The following GUCY1A2 variants were observed in gnomAD, a reference collection of about 807,000 sequenced individuals.
The protein encoded by GUCY1A2 is guanylate cyclase 1 soluble subunit alpha 2, also known as guanylate cyclase soluble subunit alpha-2.
GUCY1A2 carries 27 observed loss-of-function variants against 63.5 expected under a neutral mutation model. The observed-to-expected ratio is 0.43, with a 90% CI of 0.31 to 0.59. The LOEUF is 0.59. Among genes scored for constraint, GUCY1A2 ranks in the 20% least tolerant of loss-of-function variants. The pLI, the probability that GUCY1A2 is intolerant of heterozygous loss-of-function variation, is 0.11. For missense variants in GUCY1A2, 768 were observed against 913.3 expected, an observed-to-expected ratio of 0.84 and a Z score of 2.05; for synonymous variants, 364 against 343.5, an observed-to-expected ratio of 1.06 and a Z score of -0.66.
chr11:106,816,167 T>TAAAAAAAA (rs60263721), intron 4 of GUCY1A2, among the ~76,000 whole-genome samples: 1 of 92,016 alleles, frequency 1.1e-5, no homozygotes, highest in Non-Finnish European at 2.1e-5. Flanking sequence ...ACTCTTTCTT[T>TAAAAAAAA]AAAAAAAAAA....
chr11:106,771,258 T>C (rs1864250104), intron 6 of GUCY1A2, among the ~76,000 whole-genome samples: 1 of 152,190 alleles, frequency 6.6e-6, no homozygotes, highest in African/African-American at 2.4e-5. Flanking sequence ...TATTTGGTTA[T>C]TTTAATCAAA....
At chr11:106,856,453 G>A (rs188281715) in intron 4 of GUCY1A2, among the ~76,000 whole-genome samples, 8 of 151,606 alleles carry the variant, frequency 5.3e-5, no homozygotes, top group Middle Eastern at 3.4e-3. Flanking sequence ...GAAGCTATAC[G>A]AGTTTTGGCA....
chr11:106,854,631 G>T (rs1859402411), intron 4 of GUCY1A2, among the ~76,000 whole-genome samples: 2 of 152,188 alleles, frequency 1.3e-5, no homozygotes, highest in Admixed American at 1.3e-4. Context: ...GATCAGGGCA[G>T]GCCTGCCCTC....
chr11:106,723,897 TGAATTAGATATTTG>T (rs1485975996), intron 6 of GUCY1A2, among the ~76,000 whole-genome samples: 1 of 135,034 alleles, frequency 7.4e-6, no homozygotes, highest in African/African-American at 3.1e-5. Flanking sequence ...ATATGCTTTT[TGAATTAGATATTTG>T]AAATGTATTG....
Position 106,684,522 on chromosome 11 carries a change from G to C in GUCY1A2, c.*3027C>G. ...TAGTACATTCTGAGTACATATTGGG[G>C]GATTCTGATTTTGTTAGATAACTGA... On this transcript the variant is annotated 3_prime_UTR_variant, in exon 8 of 8. Coordinates refer to ENST00000526355, the MANE Select transcript of GUCY1A2 (RefSeq NM_000855.3). 5.1e-6 allele frequency: 1 copy of C among 194,344 alleles called. No individual in the cohort carries two copies. The highest frequency in any genetic ancestry group is 8.1e-5 in the East Asian group (1 of 12,378). The allele number at this position is 194,344 out of a possible 1,614,324, so 12.0% of individuals were successfully genotyped here.
rs1013005038 is a variant in GUCY1A2 at position 106,676,932 on chromosome 11, C to G, written c.*10617G>C. 4.8e-6 allele frequency: 1 copy of G among 208,400 alleles called. No individual in the cohort carries two copies. The highest frequency in any genetic ancestry group is 5.9e-5 in the Admixed American group (1 of 16,896). The allele number at this position is 208,400 out of a possible 1,614,324, so 12.9% of individuals were successfully genotyped here. A position where few individuals can be genotyped will look rare whatever the true frequency, so the allele number is the denominator to read the frequency against. ...TTTAAATTCAATGAAAATGAACACA[C>G]ATAGATTTTTATAGACCCACATTTC... is the stretch of plus-strand genomic sequence containing the variant. On this transcript the variant is annotated 3_prime_UTR_variant, in exon 8 of 8. Transcript: ENST00000526355.
intron 6 of GUCY1A2, among the ~76,000 whole-genome samples, chr11:106,743,057 T>C (rs1863723862): frequency 6.6e-6 from 1 of 152,192 alleles, no homozygotes; most frequent in Admixed American, 6.5e-5. Context: ...CTAAGAGTAG[T>C]CTTTTATTCC....
chr11:106,708,093 A>G (rs1020879661), intron 7 of GUCY1A2, among the ~76,000 whole-genome samples: 1 of 151,830 alleles, frequency 6.6e-6, no homozygotes, highest in African/African-American at 2.4e-5. Flanking sequence ...ATATATATAT[A>G]AATTTAAAGA....
rs34601463 is a variant in GUCY1A2 at position 106,675,269 on chromosome 11, CTT to C, written c.*12278_*12279del. On this transcript the variant is annotated 3_prime_UTR_variant, in exon 8 of 8. Transcript: ENST00000526355. ...TTCGAAGGCAAAATTCTCAGGAGGACTTTTTTTTTTTTTTTTTAAATAAAGAA... is the reference window on the plus strand; with the variant it reads ...TTCGAAGGCAAAATTCTCAGGAGGACTTTTTTTTTTTTTTTAAATAAAGAA... The C allele has an allele frequency of 0.011, 1,877 of 164,076 alleles. No homozygotes were observed. Among genetic ancestry groups the C allele is most frequent in the East Asian group, 0.032 (329 of 10,346 alleles). 10.2% of individuals were successfully genotyped at this position (164,076 alleles called of 1,614,324 possible).
intron 4 of GUCY1A2, among the ~76,000 whole-genome samples, chr11:106,834,884 C>G (rs900107051): frequency 1.3e-5 from 2 of 151,928 alleles, no homozygotes; most frequent in African/African-American, 4.8e-5. Context: ...ACCTGAAACC[C>G]TGGAAGGGGC....
At chr11:106,948,350 G>A (rs887821044) in intron 3 of GUCY1A2, among the ~76,000 whole-genome samples, 4 of 152,060 alleles carry the variant, frequency 2.6e-5, no homozygotes, top group Admixed American at 2.6e-4. Context: ...TGACCAAGTA[G>A]GATTTATATC....
At chr11:106,902,740 A>G (rs1860151306) in intron 4 of GUCY1A2, among the ~76,000 whole-genome samples, 1 of 152,244 alleles carries the variant, frequency 6.6e-6, no homozygotes, top group Admixed American at 6.5e-5. Flanking sequence ...TGTACTGAAC[A>G]TGTACAGACT....
intron 4 of GUCY1A2, among the ~76,000 whole-genome samples, chr11:106,829,263 G>T (rs1203529620): frequency 6.6e-6 from 1 of 152,202 alleles, no homozygotes. Flanking sequence ...ATAAGGGAGG[G>T]TTGGGTGAGT....
At chr11:106,857,518 A>G (rs56349237) in intron 4 of GUCY1A2, among the ~76,000 whole-genome samples, 32,607 of 152,058 alleles carry the variant, frequency 0.21, 3,506 homozygotes, top group Middle Eastern at 0.25. Flanking sequence ...TGCTTCTCAT[A>G]TCTTGCTTTC....
intron 4 of GUCY1A2, among the ~76,000 whole-genome samples, chr11:106,900,016 G>T (rs1428955391): frequency 6.6e-6 from 1 of 150,380 alleles, no homozygotes; most frequent in African/African-American, 2.5e-5. Flanking sequence ...AACCCGGGAG[G>T]CAGAGCTTGC....
chr11:106,817,247 A>C (rs2135428193), intron 4 of GUCY1A2, among the ~76,000 whole-genome samples: 1 of 152,222 alleles, frequency 6.6e-6, no homozygotes, highest in East Asian at 1.9e-4. Context: ...AATTTTCCTT[A>C]AAACATATTG....
rs1168864117 is a variant in GUCY1A2, at chr11:106,675,130, T to C, written c.*12419A>G. 2 of 213,714 alleles carry C rather than the reference T, an allele frequency of 9.4e-6. No homozygotes were observed. The highest frequency in any genetic ancestry group is 5.8e-5 in the Admixed American group (1 of 17,120). The allele number at this position is 213,714 out of a possible 1,614,324, so 13.2% of individuals were successfully genotyped here. A position where few individuals can be genotyped will look rare whatever the true frequency, so the allele number is the denominator to read the frequency against. On this transcript the variant is annotated 3_prime_UTR_variant, in exon 8 of 8. Coordinates refer to ENST00000526355, the MANE Select transcript of GUCY1A2 (RefSeq NM_000855.3). ...TAGGTTGATTTTGAAATGAATGATATGTATTATTTCTGGAATGCACTTAAT... is the reference window on the plus strand; with the variant it reads ...TAGGTTGATTTTGAAATGAATGATACGTATTATTTCTGGAATGCACTTAAT...
chr11:106,810,432 G>C lies in GUCY1A2; in HGVS notation c.1253C>G (p.Ser418Cys), dbSNP rs1456910613. ...GQMIHVPESN[S>C]ILFLGSPCVD... is the part of the protein sequence containing the mutation. ...ACATGGAGAGCCCAAAAATAAAATGGAATTTGATTCTGGAACATGGATCAT... is the reference window on the plus strand; with the variant it reads ...ACATGGAGAGCCCAAAAATAAAATGCAATTTGATTCTGGAACATGGATCAT... The change falls in exon 5 of 8, where the codon TCC becomes TGC. Residue 418 changes from serine to cysteine, a missense_variant. This residue lies in a region of GUCY1A2 where 122 missense variants were observed against 238.1 expected (regional missense o/e 0.51). Transcript: ENST00000526355. The C allele has an allele frequency of 2.5e-6, 4 of 1,610,110 alleles. No individual in the cohort carries two copies. The highest frequency in any genetic ancestry group is 3.4e-6 in the Non-Finnish European group (4 of 1,178,090).
chr11:106,899,822 C>T (rs568964925), intron 4 of GUCY1A2, among the ~76,000 whole-genome samples: 5 of 152,214 alleles, frequency 3.3e-5, no homozygotes, highest in South Asian at 2.1e-4. Context: ...CGGTGGCTCA[C>T]GCCTGTAATC....
Sources: gnomAD v4.1 joint callset for allele counts (sites outside exome capture counted in the v4.1 genomes callset) on GRCh38, gnomAD v4.1.1 for gene constraint, gnomAD v4.1.1 regional missense constraint, MANE v1.5 for transcripts, NCBI Gene and HGNC (gene_info 2026-07-23, HGNC 2026-07-21) for gene names.